CTNNA2: variants seen among roughly 807,000 people sequenced by gnomAD.
The protein encoded by CTNNA2 is catenin alpha-2.
In CTNNA2, 42 loss-of-function variants were observed where a neutral mutation model predicts 101.0. The observed-to-expected ratio is 0.42, with a 90% CI of 0.32 to 0.54. The LOEUF is 0.54. Ranked by LOEUF, CTNNA2 falls within the 20% of genes least tolerant of loss-of-function variation. The probability of loss-of-function intolerance (pLI) is 0.14; values close to 1 mark genes in which losing one functional copy is unlikely to be tolerated. For missense variants in CTNNA2, 871 were observed against 1,223.1 expected, an observed-to-expected ratio of 0.71 and a Z score of 4.29; for synonymous variants, 450 against 456.4, an observed-to-expected ratio of 0.99 and a Z score of 0.18.
intron 7 of CTNNA2, among the ~76,000 whole-genome samples, chr2:79,921,794 T>G (rs1374387700): frequency 1.3e-5 from 2 of 152,188 alleles, no homozygotes; most frequent in African/African-American, 4.8e-5. Context: ...CACCTTGAAT[T>G]GAGCTTTCGT....
chr2:79,250,066 C>A (rs1674750565), intron 2 of CTNNA2, among the ~76,000 whole-genome samples: 1 of 152,174 alleles, frequency 6.6e-6, no homozygotes, highest in Non-Finnish European at 1.5e-5. Context: ...ATTGACTGCA[C>A]TGGTATCAGC....
chr2:79,241,390 C>G (rs1341420499), intron 2 of CTNNA2, among the ~76,000 whole-genome samples: 1 of 152,148 alleles, frequency 6.6e-6, no homozygotes, highest in Non-Finnish European at 1.5e-5. Context: ...TCCAAAGATA[C>G]TGCAACAGTT....
chr2:80,230,250 T>C (rs1424940309), intron 7 of CTNNA2, among the ~76,000 whole-genome samples: 4 of 135,790 alleles, frequency 2.9e-5, no homozygotes, highest in Admixed American at 2.3e-4. Context: ...CTCTCTCTTT[T>C]TTTTTCTTTG....
At chr2:80,387,413 C>T (rs913791936) in intron 7 of CTNNA2, among the ~76,000 whole-genome samples, 2 of 152,094 alleles carry the variant, frequency 1.3e-5, no homozygotes, top group African/African-American at 4.8e-5. Context: ...AAATCCATTA[C>T]AAACACCTTC....
At chr2:79,370,009 A>T (rs1485180306) in intron 3 of CTNNA2, among the ~76,000 whole-genome samples, 1 of 152,200 alleles carries the variant, frequency 6.6e-6, no homozygotes, top group Non-Finnish European at 1.5e-5. Context: ...AATTCTGGCG[A>T]AGAGGAGGTG....
intron 18 of CTNNA2, among the ~76,000 whole-genome samples, chr2:80,637,992 C>G (rs1478144573): frequency 6.6e-6 from 1 of 152,062 alleles, no homozygotes; most frequent in Non-Finnish European, 1.5e-5. Flanking sequence ...AGGGTGGGGT[C>G]ATTTAGTGAC....
chr2:79,691,663 G>T (rs755312966), intron 2 of CTNNA2, among the ~76,000 whole-genome samples: 3 of 151,948 alleles, frequency 2.0e-5, no homozygotes, highest in African/African-American at 4.8e-5. Flanking sequence ...CATGGTACTG[G>T]TACCCAAACA....
chr2:79,997,727 A>G (rs1027314884), intron 7 of CTNNA2, among the ~76,000 whole-genome samples: 3 of 152,072 alleles, frequency 2.0e-5, no homozygotes, highest in African/African-American at 7.2e-5. Flanking sequence ...AGTTTGCTGG[A>G]CTCTCCTCTT....
chr2:80,000,605 T>C (rs1349184453), intron 7 of CTNNA2, among the ~76,000 whole-genome samples: 1 of 152,170 alleles, frequency 6.6e-6, no homozygotes, highest in East Asian at 1.9e-4. Flanking sequence ...CAATCATTGA[T>C]ATTATACTTC....
chr2:80,090,462 T>A (rs1699728363), intron 7 of CTNNA2, among the ~76,000 whole-genome samples: 1 of 152,050 alleles, frequency 6.6e-6, no homozygotes, highest in South Asian at 2.1e-4. Context: ...TCCCTTTGGG[T>A]GCCTCTGGTA....
intron 7 of CTNNA2, among the ~76,000 whole-genome samples, chr2:79,930,307 A>C (rs1371115351): frequency 1.7e-5 from 1 of 60,334 alleles, no homozygotes; most frequent in Non-Finnish European, 3.2e-5. Context: ...AAAGAAAGAA[A>C]GAAAGAAAGA....
rs185533414 is a variant in CTNNA2 at position 79,659,702 on chromosome 2, A to G, written c.102+8044A>G. Among the ~76,000 whole-genome samples, 496 of 152,256 alleles carry G rather than the reference A, an allele frequency of 3.3e-3. 5 individuals carry two copies. The highest frequency in any genetic ancestry group is 0.011 in the African/African-American group (476 of 41,542). On this transcript the variant is annotated intron_variant, in intron 2 of 18. Coordinates refer to ENST00000402739, the MANE Select transcript of CTNNA2 (RefSeq NM_001282597.3). ...AAGTATTTCAGATTATGTGTCTTTA[A>G]AGAAAGTTTTGGGGCCAGGAGCAGT...
chr2:80,099,691 G>C (rs146256423), intron 7 of CTNNA2, among the ~76,000 whole-genome samples: 1 of 150,448 alleles, frequency 6.6e-6, no homozygotes, highest in Admixed American at 6.6e-5. Context: ...TCTAAACTTC[G>C]TATTTCTGGT....
rs1316623673 is a variant in CTNNA2 at position 79,670,309 on chromosome 2, A to T, written c.102+18651A>T. On this transcript the variant is annotated intron_variant, in intron 2 of 18. Coordinates refer to ENST00000402739, the MANE Select transcript of CTNNA2 (RefSeq NM_001282597.3). ...CATTCCTCACTCCCTACAAGAGCACAGGGAGGCTCGATCCATAGCTACAGT... is the reference window on the plus strand; with the variant it reads ...CATTCCTCACTCCCTACAAGAGCACTGGGAGGCTCGATCCATAGCTACAGT... Among the ~76,000 whole-genome samples the T allele has an allele frequency of 2.0e-5, 3 of 152,190 alleles. No individual in the cohort carries two copies. In the East Asian group the frequency reaches 5.8e-4, roughly 29 times the overall value.
chr2:79,336,755 C>G (rs1188630295), intron 3 of CTNNA2, among the ~76,000 whole-genome samples: 1 of 152,168 alleles, frequency 6.6e-6, no homozygotes, highest in Non-Finnish European at 1.5e-5. Flanking sequence ...TCCAGGCCAA[C>G]TGGAGGGCCC....
Position 80,606,410 on chromosome 2 carries a change from A to AC in CTNNA2, c.2296-1773dup, listed in dbSNP as rs761596902. On this transcript the variant is annotated intron_variant, in intron 16 of 18. Transcript: ENST00000402739. ...CACACACACACACACACACACACACACACCCCCCAGGATACATTTATTTTG... is the reference window on the plus strand; with the variant it reads ...CACACACACACACACACACACACACACCACCCCCCAGGATACATTTATTTTG... Among the ~76,000 whole-genome samples, 27 of 60,388 alleles carry AC rather than the reference A, an allele frequency of 4.5e-4. 1 individual carries two copies. Among genetic ancestry groups the AC allele is most frequent in the East Asian group, 4.0e-3 (8 of 1,980 alleles). The allele number at this position is 60,388 out of a possible 152,430, so 39.6% of individuals were successfully genotyped here. A position where few individuals can be genotyped will look rare whatever the true frequency, so the allele number is the denominator to read the frequency against.
intron 7 of CTNNA2, among the ~76,000 whole-genome samples, chr2:80,232,389 G>C (rs867663791): frequency 1.9e-5 from 1 of 52,844 alleles, no homozygotes; most frequent in Admixed American, 2.1e-4. Context: ...TTTTTTTTTT[G>C]TTAACACTAG....
chr2:80,115,018 A>G (rs1433492971), intron 7 of CTNNA2, among the ~76,000 whole-genome samples: 1 of 152,212 alleles, frequency 6.6e-6, no homozygotes, highest in Non-Finnish European at 1.5e-5. Context: ...TGCTTCTTCC[A>G]GAGCAGCCTG....
chr2:80,310,319 A>C (rs116563041), intron 7 of CTNNA2, among the ~76,000 whole-genome samples: 1 of 152,282 alleles, frequency 6.6e-6, no homozygotes, highest in Non-Finnish European at 1.5e-5. Flanking sequence ...AGGGCTCTTA[A>C]AGTTTGATTT....
Sources: allele counts gnomAD v4.1 joint callset (sites outside exome capture counted in the v4.1 genomes callset), GRCh38; gene constraint gnomAD v4.1.1; transcripts MANE v1.5; gene names NCBI Gene and HGNC (gene_info 2026-07-23, HGNC 2026-07-21).